The following ZNF841 variants were observed in gnomAD, a reference collection of about 807,000 sequenced individuals.
ZNF841 encodes the protein zinc finger protein 841, also known as TCONS_00006091.
In ZNF841, 11 loss-of-function variants were observed where a neutral mutation model predicts 13.0. That is an observed-to-expected ratio of 0.85 (90% confidence interval 0.53 to 1.40). The LOEUF is 1.40. Among genes scored for constraint, ZNF841 ranks in the 40% most tolerant of loss-of-function variants. The probability of loss-of-function intolerance (pLI) is 0.00; values close to 1 mark genes in which losing one functional copy is unlikely to be tolerated. For missense variants in ZNF841, 1,068 were observed against 1,139.5 expected (o/e 0.94, Z 0.90); for synonymous variants, 369 against 381.6 (o/e 0.97, Z 0.38).
chr19:52,059,373 AT>A, the ZNF841 span, among the ~76,000 whole-genome samples: 19 of 104,396 alleles, frequency 1.8e-4, no homozygotes, highest in Non-Finnish European at 2.5e-4. Flanking sequence ...AAAAAAAAAT[AT>A]ATATATATAT....
chr19:52,084,697 T>C (rs753132637), intron 4 of ZNF841, 90 bp downstream of exon 4: 2 of 1,428,048 alleles, frequency 1.4e-6, no homozygotes, highest in Non-Finnish European at 2.0e-6. Context: ...TCAGGCAGGA[T>C]ACTTCAGACT....
intron 2 of ZNF841, among the ~76,000 whole-genome samples, chr19:52,092,066 C>A (rs776863771): frequency 6.8e-6 from 1 of 147,268 alleles, no homozygotes; most frequent in South Asian, 2.3e-4. Context: ...CATTTGAACT[C>A]GGAAGGCACA....
chr19:52,070,050 T>C (rs149236380), intron 6 of ZNF841, among the ~76,000 whole-genome samples: 10 of 152,320 alleles, frequency 6.6e-5, no homozygotes, highest in African/African-American at 2.4e-4. Context: ...GCACACTAAA[T>C]ATGCCCACAG....
At chr19:52,068,345 G>A (rs1019260352) in intron 6 of ZNF841, among the ~76,000 whole-genome samples, 3 of 152,060 alleles carry the variant, frequency 2.0e-5, no homozygotes, top group South Asian at 2.1e-4. Context: ...ACTTGGATGA[G>A]AGAAAGGTAA....
At chr19:52,076,812 G>T in intron 5 of ZNF841, 146 bp downstream of exon 5, 1 of 943,826 alleles carries the variant, frequency 1.1e-6, no homozygotes, top group South Asian at 1.6e-5. Flanking sequence ...TTAAAGGCCA[G>T]ATGCAGCATT....
chr19:52,085,269 A>G (rs1264493931), intron 3 of ZNF841, among the ~76,000 whole-genome samples: 1 of 152,234 alleles, frequency 6.6e-6, no homozygotes, highest in Non-Finnish European at 1.5e-5. Context: ...ATTAGAATCA[A>G]TTTGGGTACT....
At chr19:52,071,992 T>G (rs890688053) in intron 6 of ZNF841, among the ~76,000 whole-genome samples, 20 of 152,184 alleles carry the variant, frequency 1.3e-4, no homozygotes, top group Non-Finnish European at 2.9e-5. Flanking sequence ...TAGGCTGAAC[T>G]GAAGGGATGA....
intron 4 of ZNF841, among the ~76,000 whole-genome samples, chr19:52,079,995 GAAAAAA>G (rs750531184): frequency 4.5e-5 from 5 of 111,006 alleles, no homozygotes; most frequent in East Asian, 2.6e-4. Flanking sequence ...CCATCTCAGG[GAAAAAA>G]AAAAAAAAAA....
In ZNF841 at chr19:52,065,506, A is replaced by T. The variant is rs371694432; in HGVS notation, c.2376T>A (p.Pro792=). The T allele has an allele frequency of 2.5e-6, 4 of 1,614,080 alleles. No homozygotes were observed. Among genetic ancestry groups the T allele is most frequent in the Non-Finnish European group, 2.5e-6 (3 of 1,180,002 alleles). The change falls in exon 7 of 7, where the codon CCT becomes CCA. Residue 792 remains proline, a synonymous_variant. Transcript: ENST00000594440. ...CTTTGCCACACTCATTACATTTGTA[A>T]GGTTTCTCTCCAGTATGAATACTCC... The part of the protein sequence containing the change: ...RHWSIHTGEK[P]YKCNECGKAF...
In ZNF841 at chr19:52,067,132, T is replaced by C; in HGVS notation, c.750A>G (p.Gln250=). 6.4e-7 allele frequency: 1 copy of C among 1,564,128 alleles called. No homozygotes were observed. The highest frequency in any genetic ancestry group is 8.7e-7 in the Non-Finnish European group (1 of 1,152,880). Reference sequence around the variant, plus strand: ...TTTCCCTAATATGTGTTTTCTCGTCTTGTGTAGGTAACGAAAGTTGCAAAA... The same window carrying C: ...TTTCCCTAATATGTGTTTTCTCGTCCTGTGTAGGTAACGAAAGTTGCAAAA... ...NDFLQLSLPT[Q]DEKTHIREKP... Residue 250 remains glutamine, a synonymous_variant, in exon 7 of 7, where the codon CAA becomes CAG. Transcript: ENST00000594440.
chr19:52,068,518 T>TA (rs556247085), intron 6 of ZNF841, among the ~76,000 whole-genome samples: 48 of 150,462 alleles, frequency 3.2e-4, no homozygotes, highest in African/African-American at 1.0e-3. Context: ...GTACTAAAAG[T>TA]AAAAAAAATC....
intron 6 of ZNF841, among the ~76,000 whole-genome samples, chr19:52,071,769 A>C (rs930428378): frequency 6.6e-6 from 1 of 152,224 alleles, no homozygotes; most frequent in African/African-American, 2.4e-5. Context: ...ATAAAAACGA[A>C]GGCAGTAAGA....
At chr19:52,084,944 G>A (rs1360961844) in intron 3 of ZNF841, 66 bp from the exon 4 acceptor site, 5 of 890,286 alleles carry the variant, frequency 5.6e-6, no homozygotes, top group Non-Finnish European at 8.4e-6. Context: ...CCACAACCAT[G>A]CCCACAGGGA....
intron 4 of ZNF841, 31 bp downstream of exon 4, chr19:52,084,755 GA>G (rs1457711141): frequency 6.2e-7 from 1 of 1,611,470 alleles, no homozygotes; most frequent in South Asian, 1.1e-5. Context: ...AAAGGGAGGA[GA>G]CAGAACAATC....
At chr19:52,071,382 C>T (rs577722162) in intron 6 of ZNF841, among the ~76,000 whole-genome samples, 3 of 152,058 alleles carry the variant, frequency 2.0e-5, no homozygotes, top group Non-Finnish European at 4.4e-5. Flanking sequence ...TCATTTTGTA[C>T]ACACACAAAG....
At chr19:52,094,361 G>A (rs915916359) in intron 1 of ZNF841, among the ~76,000 whole-genome samples, 1 of 152,024 alleles carries the variant, frequency 6.6e-6, no homozygotes, top group African/African-American at 2.4e-5. Flanking sequence ...GTCCTCTCCC[G>A]CTTTCTTCAC....
At chr19:52,061,229 A>G (rs1242956792), downstream of ZNF841, among the ~76,000 whole-genome samples, 2 of 152,172 alleles carry the variant, frequency 1.3e-5, no homozygotes. Context: ...ACACTTGGCT[A>G]CATCCTCAAC....
At chr19:52,060,123 T>G (rs1396395512), downstream of ZNF841, among the ~76,000 whole-genome samples, 1 of 152,214 alleles carries the variant, frequency 6.6e-6, no homozygotes, top group East Asian at 1.9e-4. Context: ...ATTCCTGTTT[T>G]CATTCTTTTG....
Position 52,065,590 on chromosome 19 carries a change from A to C in ZNF841, c.2292T>G (p.Pro764=). The change falls in exon 7 of 7, where the codon CCT becomes CCG. Residue 764 remains proline, a synonymous_variant. Transcript: ENST00000594440. The part of the protein sequence containing the change: ...RHRRIHTGEK[P]YKCNECGKVF... ...CCTTGCCACATTCATTACATTTGTA[A>C]GGTTTCTCTCCAGTATGAATTCTCC... The C allele has an allele frequency of 6.2e-7, 1 of 1,613,644 alleles. No individual in the cohort carries two copies. The highest frequency in any genetic ancestry group is 8.5e-7 in the Non-Finnish European group (1 of 1,179,810).
Sources: allele counts gnomAD v4.1 joint callset (sites outside exome capture counted in the v4.1 genomes callset), GRCh38; gene constraint gnomAD v4.1.1; transcripts MANE v1.5; gene names NCBI Gene and HGNC (gene_info 2026-07-23, HGNC 2026-07-21).